Variants in SPACDR observed in about 807,000 individuals in gnomAD.
The protein encoded by SPACDR is uncharacterized protein C7orf61.
the SPACDR span, among the ~76,000 whole-genome samples, chr7:100,459,582 G>A: frequency 2.6e-5 from 4 of 152,148 alleles, no homozygotes; most frequent in Non-Finnish European, 5.9e-5. Flanking sequence ...GAGCCACCAC[G>A]CCCGGCCCTG....
the SPACDR span, among the ~76,000 whole-genome samples, chr7:100,460,047 G>T: frequency 9.2e-5 from 14 of 151,768 alleles, no homozygotes; most frequent in East Asian, 1.6e-3. Context: ...CCGCCACCAC[G>T]CCCGACTAAT....
At chr7:100,464,128 C>G in the SPACDR span, 2 of 1,541,942 alleles carry the variant, frequency 1.3e-6, no homozygotes, top group African/African-American at 2.7e-5. Flanking sequence ...GTGACCACCT[C>G]TTGAGGGGTC....
the SPACDR span, chr7:100,456,876 C>T: frequency 9.9e-6 from 16 of 1,613,478 alleles, no homozygotes; most frequent in Admixed American, 1.7e-5. Flanking sequence ...CAGGTGTTTC[C>T]GAACGGCCCA....
At chr7:100,456,919 C>T in the SPACDR span, 3 of 1,613,618 alleles carry the variant, frequency 1.9e-6, no homozygotes, top group African/African-American at 2.7e-5. Flanking sequence ...AGCAACTCAG[C>T]CTCCGGAGTC....
At chr7:100,464,147 G>C in the SPACDR span, 1 of 1,533,284 alleles carries the variant, frequency 6.5e-7, no homozygotes, top group African/African-American at 1.4e-5. Flanking sequence ...TCTCCTGTGA[G>C]CTTCAAGCAC....
chr7:100,463,136 G>T, the SPACDR span, among the ~76,000 whole-genome samples: 4 of 150,906 alleles, frequency 2.7e-5, no homozygotes, highest in African/African-American at 9.7e-5. Context: ...GGAAGAAAAA[G>T]AAAAAGAAAA....
chr7:100,464,104 T>TTTGGGGGG, the SPACDR span: 1 of 766,184 alleles, frequency 1.3e-6, no homozygotes, highest in Non-Finnish European at 1.8e-6. Flanking sequence ...GGGGATGGGG[T>TTTGGGGGG]GGGCTGTGGG....
chr7:100,462,055 C>T, the SPACDR span, among the ~76,000 whole-genome samples: 1 of 151,662 alleles, frequency 6.6e-6, no homozygotes, highest in Non-Finnish European at 1.5e-5. Flanking sequence ...CTCCTGGGGT[C>T]CTACAGCCCG....
At chr7:100,463,589 A>T in the SPACDR span, 1 of 1,613,800 alleles carries the variant, frequency 6.2e-7, no homozygotes, top group African/African-American at 1.3e-5. Flanking sequence ...CAAAGTCTCA[A>T]CCACCTGGAG....
At chr7:100,459,200 C>T in the SPACDR span, among the ~76,000 whole-genome samples, 11 of 149,798 alleles carry the variant, frequency 7.3e-5, no homozygotes, top group Non-Finnish European at 1.0e-4. Flanking sequence ...TTAGTAGAGA[C>T]GGGCTTTCAT....
At chr7:100,461,240 C>T in the SPACDR span, among the ~76,000 whole-genome samples, 1,544 of 152,182 alleles carry the variant, frequency 0.01, 14 homozygotes, top group Non-Finnish European at 0.015. Context: ...TGCACCACCA[C>T]ACCCCACTGA....
chr7:100,457,159 C>T, the SPACDR span, among the ~76,000 whole-genome samples: 3 of 151,614 alleles, frequency 2.0e-5, no homozygotes, highest in East Asian at 5.8e-4. Flanking sequence ...AAATGTTTGT[C>T]ATTTCTATCC....
At chr7:100,463,796 T>C in the SPACDR span, 1 of 1,233,588 alleles carries the variant, frequency 8.1e-7, no homozygotes. Context: ...TTTCCTGGCC[T>C]CTCTTCCTTC....
chr7:100,463,127 GAAGAAA>G, the SPACDR span, among the ~76,000 whole-genome samples: 468 of 150,378 alleles, frequency 3.1e-3, 3 homozygotes, highest in African/African-American at 0.011. Flanking sequence ...AAAAAGAAAG[GAAGAAA>G]AAGAAAAAGA....
At chr7:100,459,135 C>CCCACCACCATGCCCAGA in the SPACDR span, among the ~76,000 whole-genome samples, 1 of 149,136 alleles carries the variant, frequency 6.7e-6, no homozygotes, top group African/African-American at 2.5e-5. Flanking sequence ...TCCCGAGTAG[C>CCCACCACCATGCCCAGA]TGGTACTACA....
the SPACDR span, among the ~76,000 whole-genome samples, chr7:100,457,801 A>ATGTGTGTG: frequency 0.046 from 3,423 of 73,762 alleles, 103 homozygotes; most frequent in South Asian, 0.073. Context: ...TTATATATAT[A>ATGTGTGTG]TATGTGTGTG....
At chr7:100,462,238 G>T in the SPACDR span, among the ~76,000 whole-genome samples, 1 of 152,086 alleles carries the variant, frequency 6.6e-6, no homozygotes, top group Admixed American at 6.6e-5. Flanking sequence ...TTTTGAGATG[G>T]AGTCTCGCTC....
At chr7:100,463,997 C>T in the SPACDR span, 1 of 1,604,408 alleles carries the variant, frequency 6.2e-7, no homozygotes, top group East Asian at 2.2e-5. Flanking sequence ...CCGTCTAACC[C>T]ATCGGAAGAA....
chr7:100,457,799 A>ATGTGTG, the SPACDR span, among the ~76,000 whole-genome samples: 4,084 of 44,852 alleles, frequency 0.091, 104 homozygotes, highest in South Asian at 0.12. Context: ...TTTTATATAT[A>ATGTGTG]TATATGTGTG....
Sources: gnomAD v4.1 joint callset for allele counts (sites outside exome capture counted in the v4.1 genomes callset) on GRCh38, gnomAD v4.1.1 for gene constraint, MANE v1.5 for transcripts, NCBI Gene and HGNC (gene_info 2026-07-23, HGNC 2026-07-21) for gene names.